The following SORCS1 variants were observed in gnomAD, a reference collection of about 807,000 sequenced individuals.
SORCS1 encodes the protein VPS10 domain-containing receptor SorCS1.
SORCS1 carries 60 observed loss-of-function variants against 146.1 expected under a neutral mutation model. The observed-to-expected ratio is 0.41, with a 90% CI of 0.33 to 0.51. SORCS1 has a LOEUF of 0.51. SORCS1 is among the 20% of genes least tolerant of loss of function. The pLI is 0.21. For synonymous variants in SORCS1, 637 were observed against 584.0 expected (o/e 1.09, Z -1.31); for missense variants, 1,352 against 1,487.6 (o/e 0.91, Z 1.50).
chr10:106,682,970 A>G (rs1358793985), intron 10 of SORCS1, among the ~76,000 whole-genome samples: 5 of 152,196 alleles, frequency 3.3e-5, no homozygotes, highest in Admixed American at 6.5e-5. Flanking sequence ...AGGCCATGGC[A>G]TATCATCAAT....
chr10:107,014,068 C>T (rs1957791696), intron 1 of SORCS1, among the ~76,000 whole-genome samples: 1 of 151,990 alleles, frequency 6.6e-6, no homozygotes, highest in African/African-American at 2.4e-5. Context: ...TCCTGGCCAA[C>T]ATGGTGAAAC....
chr10:106,701,306 T>C (rs1854122226), intron 8 of SORCS1, among the ~76,000 whole-genome samples: 1 of 152,130 alleles, frequency 6.6e-6, no homozygotes, highest in Non-Finnish European at 1.5e-5. Flanking sequence ...AAATCTAAAC[T>C]TTTTCCTACT....
At chr10:106,839,224 G>C (rs1044596898) in intron 2 of SORCS1, among the ~76,000 whole-genome samples, 2 of 152,198 alleles carry the variant, frequency 1.3e-5, no homozygotes, top group African/African-American at 4.8e-5. Flanking sequence ...TGGGCCTCTT[G>C]TGTCAAACAG....
chr10:106,769,568 A>C (rs1859848322), intron 4 of SORCS1, among the ~76,000 whole-genome samples: 1 of 152,132 alleles, frequency 6.6e-6, no homozygotes, highest in Non-Finnish European at 1.5e-5. Context: ...ATGTTTATAG[A>C]TATACATGTA....
At chr10:106,650,257 GAAGTGATTT>G (rs1208941005) in intron 18 of SORCS1, among the ~76,000 whole-genome samples, 1 of 152,188 alleles carries the variant, frequency 6.6e-6, no homozygotes, top group African/African-American at 2.4e-5. Context: ...TTCAGAGACT[GAAGTGATTT>G]CAGATTGGAT....
intron 2 of SORCS1, among the ~76,000 whole-genome samples, chr10:106,911,442 T>A (rs1239992159): frequency 6.6e-6 from 1 of 152,032 alleles, no homozygotes; most frequent in Non-Finnish European, 1.5e-5. Flanking sequence ...TTTCTTCTCC[T>A]CTTAAATTTC....
intron 1 of SORCS1, among the ~76,000 whole-genome samples, chr10:107,157,397 A>G (rs1242018361): frequency 1.3e-5 from 2 of 152,222 alleles, no homozygotes; most frequent in Non-Finnish European, 1.5e-5. Flanking sequence ...CCTACTTAAT[A>G]GGAACATCTT....
At chr10:106,791,713 A>T (rs575322644) in intron 3 of SORCS1, among the ~76,000 whole-genome samples, 1 of 152,338 alleles carries the variant, frequency 6.6e-6, no homozygotes, top group Non-Finnish European at 1.5e-5. Context: ...AAACAAAAAA[A>T]GAATATGAAT....
At chr10:107,172,730 A>G in the SORCS1 span, among the ~76,000 whole-genome samples, 1 of 152,220 alleles carries the variant, frequency 6.6e-6, no homozygotes, top group Non-Finnish European at 1.5e-5. Flanking sequence ...GATCAGCACT[A>G]GAATGAATCA....
chr10:106,765,951 T>C (rs1476269878), intron 4 of SORCS1, among the ~76,000 whole-genome samples: 1 of 152,148 alleles, frequency 6.6e-6, no homozygotes, highest in African/African-American at 2.4e-5. Context: ...AGAGCATCCA[T>C]TTCAAAGAAA....
intron 2 of SORCS1, among the ~76,000 whole-genome samples, chr10:106,841,653 T>G (rs1156288812): frequency 6.6e-6 from 1 of 152,244 alleles, no homozygotes; most frequent in African/African-American, 2.4e-5. Context: ...CCACAGTATC[T>G]GAGGTATGCC....
intron 1 of SORCS1, among the ~76,000 whole-genome samples, chr10:107,085,326 C>T (rs770386115): frequency 1.3e-5 from 2 of 152,184 alleles, no homozygotes; most frequent in Non-Finnish European, 2.9e-5. Context: ...AGAGTATCAA[C>T]ATACAATATC....
chr10:107,066,353 C>G (rs1475712607), intron 1 of SORCS1, among the ~76,000 whole-genome samples: 3 of 152,156 alleles, frequency 2.0e-5, no homozygotes, highest in African/African-American at 7.2e-5. Flanking sequence ...TGAGTTGCTA[C>G]CATGTTCATT....
chr10:106,858,626 AG>A (rs1363948378), intron 2 of SORCS1, among the ~76,000 whole-genome samples: 37 of 148,470 alleles, frequency 2.5e-4, no homozygotes, highest in Non-Finnish European at 4.8e-4. Context: ...AAAAAAAAAA[AG>A]GAAAGAAAAA....
At chr10:106,975,932 G>A (rs1054993690) in intron 1 of SORCS1, among the ~76,000 whole-genome samples, 1 of 152,208 alleles carries the variant, frequency 6.6e-6, no homozygotes, top group African/African-American at 2.4e-5. Flanking sequence ...TGGATCACCT[G>A]AGGTCAGGAG....
chr10:107,000,442 CAA>C (rs774072689), intron 1 of SORCS1, among the ~76,000 whole-genome samples: 6 of 135,080 alleles, frequency 4.4e-5, no homozygotes, highest in Non-Finnish European at 3.2e-5. Context: ...TACTAAAATA[CAA>C]AAAAAAAAAA....
chr10:107,144,882 G>T (rs1968174310), intron 1 of SORCS1, among the ~76,000 whole-genome samples: 1 of 152,192 alleles, frequency 6.6e-6, no homozygotes, highest in African/African-American at 2.4e-5. Context: ...GATTATAAGG[G>T]TATATGTGTG....
At position 107,154,008 on chromosome 10, in the gene SORCS1, C is replaced by CTTTTTT. The variant is rs71025579; in HGVS notation, c.558+9955_558+9960dup. On this transcript the variant is annotated intron_variant, in intron 1 of 25. Transcript: ENST00000263054. Reference sequence around the variant, plus strand: ...ATTTCCAGTATATTTCTTTTCTTTTCTTTTTTTTTTTTTTTTTTTTTGAGA... The same window carrying CTTTTTT: ...ATTTCCAGTATATTTCTTTTCTTTTCTTTTTTTTTTTTTTTTTTTTTTTTTTTGAGA... 3.2e-3 allele frequency among the ~76,000 whole-genome samples: 298 copies of CTTTTTT among 94,012 alleles called. 2 individuals carry two copies. Among genetic ancestry groups the CTTTTTT allele is most frequent in the East Asian group, 5.3e-3 (20 of 3,742 alleles). The allele number at this position is 94,012 out of a possible 152,430, so 61.7% of individuals were successfully genotyped here.
At chr10:106,678,720 A>C (rs1437298116) in intron 12 of SORCS1, among the ~76,000 whole-genome samples, 1 of 152,214 alleles carries the variant, frequency 6.6e-6, no homozygotes, top group Non-Finnish European at 1.5e-5. Context: ...ACACTGGTTT[A>C]AAGTATTCCA....
Sources: allele counts gnomAD v4.1 joint callset (sites outside exome capture counted in the v4.1 genomes callset), GRCh38; gene constraint gnomAD v4.1.1; transcripts MANE v1.5; gene names NCBI Gene and HGNC (gene_info 2026-07-23, HGNC 2026-07-21).